PIGN: variants seen among roughly 807,000 people sequenced by gnomAD.
The protein encoded by PIGN is GPI ethanolamine phosphate transferase 1.
PIGN carries 117 observed loss-of-function variants against 125.4 expected under a neutral mutation model. The observed-to-expected ratio is 0.93, with a 90% CI of 0.80 to 1.09. The LOEUF (loss-of-function observed/expected upper bound fraction) is 1.09. Among genes scored for constraint, PIGN ranks in the 50% least tolerant of loss-of-function variants. The pLI is 0.00. For missense variants in PIGN, 1,075 were observed against 1,094.9 expected, an observed-to-expected ratio of 0.98 and a Z score of 0.26; for synonymous variants, 392 against 377.8, an observed-to-expected ratio of 1.04 and a Z score of -0.44.
At chr18:62,166,638 A>G (rs1208896732) in intron 1 of PIGN, among the ~76,000 whole-genome samples, 2 of 152,234 alleles carry the variant, frequency 1.3e-5, no homozygotes, top group East Asian at 3.8e-4. Flanking sequence ...ACAACAGCAA[A>G]GACTTGAACC....
chr18:62,044,708 G>A lies in PIGN; in HGVS notation c.*1148C>T, dbSNP rs554942707. ...GTTTCCTAGTCATTAACATGAATTA[G>A]TAATGCTATAACTTAATTCAAAAGC... On this transcript the variant is annotated 3_prime_UTR_variant, in exon 31 of 31. Transcript: ENST00000640252. 2 of 152,222 alleles carry A rather than the reference G, an allele frequency of 1.3e-5. No homozygotes were observed. The highest frequency in any genetic ancestry group is 3.9e-4 in the East Asian group (2 of 5,182). 9.4% of individuals were successfully genotyped at this position (152,222 alleles called of 1,614,324 possible).
At chr18:62,176,904 C>CTTT (rs1427373525) in intron 1 of PIGN, among the ~76,000 whole-genome samples, 1 of 151,818 alleles carries the variant, frequency 6.6e-6, no homozygotes, top group African/African-American at 2.4e-5. Context: ...AAAGGGTGTA[C>CTTT]TGGAACTCTG....
At chr18:62,051,896 G>A (rs1378948857) in intron 30 of PIGN, 1 of 151,988 alleles carries the variant, frequency 6.6e-6, no homozygotes, top group Non-Finnish European at 1.5e-5. Flanking sequence ...ATTCTGGTAT[G>A]TTGTGTCTTT....
intron 7 of PIGN, among the ~76,000 whole-genome samples, chr18:62,149,734 G>C (rs1183295000): frequency 6.6e-6 from 1 of 152,000 alleles, no homozygotes; most frequent in East Asian, 1.9e-4. Flanking sequence ...GATTATCTTG[G>C]GTCATGACAT....
chr18:62,020,796 A>T (rs1195962870), intron 23 of PIGN, among the ~76,000 whole-genome samples: 9 of 65,364 alleles, frequency 1.4e-4, no homozygotes, highest in South Asian at 7.3e-4. Flanking sequence ...TAAAAATATT[A>T]AAAAAAAAAA....
chr18:62,110,298 T>G (rs896935757), intron 16 of PIGN: 1 of 241,078 alleles, frequency 4.1e-6, no homozygotes, highest in Admixed American at 5.2e-5. Context: ...TAAATGTTGA[T>G]TGAGTTCTCT....
chr18:62,052,592 G>T (rs1322187519), intron 30 of PIGN: 1 of 142,136 alleles, frequency 7.0e-6, no homozygotes, highest in African/African-American at 2.7e-5. Context: ...GAGCCTATGT[G>T]TGTCTCTGCA....
intron 23 of PIGN, among the ~76,000 whole-genome samples, chr18:62,018,371 T>C (rs1215149025): frequency 6.6e-6 from 1 of 152,222 alleles, no homozygotes; most frequent in Non-Finnish European, 1.5e-5. Context: ...TTCCGTTTGA[T>C]CCGTACACAT....
At chr18:62,071,578 C>T (rs2032848864) in intron 30 of PIGN, among the ~76,000 whole-genome samples, 1 of 151,970 alleles carries the variant, frequency 6.6e-6, no homozygotes, top group African/African-American at 2.4e-5. Flanking sequence ...TCATGCACCA[C>T]ATAATGATGT....
In PIGN at chr18:62,092,867, C is replaced by T. The variant is rs151330536; in HGVS notation, c.2181-2289G>A. The stretch of plus-strand genomic sequence containing the variant: ...AAGTTCAGTTCAACATCATTGATGG[C>T]ACTAACTCAGCTTTCCTATTCAAGC... On this transcript the variant is annotated intron_variant, in intron 23 of 30. Transcript: ENST00000640252. Among the ~76,000 whole-genome samples the T allele has an allele frequency of 4.2e-3, 645 of 152,212 alleles. 3 individuals carry two copies. Among genetic ancestry groups the T allele is most frequent in the African/African-American group, 0.015 (619 of 41,578 alleles).
At chr18:62,090,604 G>GA (rs149791238) in intron 23 of PIGN, 26 bp from the exon 24 acceptor site, 1 of 1,384,172 alleles carries the variant, frequency 7.2e-7, no homozygotes, top group Non-Finnish European at 1.0e-6. Flanking sequence ...AGGTAGAAAT[G>GA]AAAAGAAAAA....
chr18:62,172,539 ACTTAT>A (rs1427553412), intron 1 of PIGN, among the ~76,000 whole-genome samples: 1 of 152,174 alleles, frequency 6.6e-6, no homozygotes, highest in Non-Finnish European at 1.5e-5. Context: ...AATGTACTTA[ACTTAT>A]AAGTACATTA....
At chr18:62,031,326 G>T (rs1338947095) in intron 23 of PIGN, among the ~76,000 whole-genome samples, 1 of 152,126 alleles carries the variant, frequency 6.6e-6, no homozygotes, top group Non-Finnish European at 1.5e-5. Flanking sequence ...ACCCAGTCTT[G>T]GGTATGTCTT....
At chr18:62,183,944 T>G (rs2037807992) in intron 1 of PIGN, among the ~76,000 whole-genome samples, 1 of 151,920 alleles carries the variant, frequency 6.6e-6, no homozygotes, top group African/African-American at 2.4e-5. Context: ...ACTACTTATT[T>G]TAATTAGTTT....
chr18:62,158,531 G>A (rs1019808270), intron 4 of PIGN, among the ~76,000 whole-genome samples: 1 of 152,204 alleles, frequency 6.6e-6, no homozygotes, highest in African/African-American at 2.4e-5. Flanking sequence ...CATTATTTAA[G>A]TTGTATCCAC....
rs547848725 is a variant in PIGN at position 62,067,681 on chromosome 18, T to C, written c.2672+4992A>G. Among the ~76,000 whole-genome samples, 17 of 152,344 alleles carry C rather than the reference T, an allele frequency of 1.1e-4. No homozygotes were observed. The South Asian group carries it at 3.5e-3, about 32-fold the overall frequency. ...CATTTCTTTTTATAGGTAAGTAATA[T>C]CCCATTGTATGGCAATAGCACAATT... On this transcript the variant is annotated intron_variant, in intron 30 of 30. Coordinates refer to ENST00000640252, the MANE Select transcript of PIGN (RefSeq NM_176787.5).
rs867314009 is a variant in PIGN at position 62,173,577 on chromosome 18, G to T, written c.-235-9921C>A. 2.3e-4 allele frequency among the ~76,000 whole-genome samples: 35 copies of T among 152,168 alleles called. 1 individual carries two copies. The South Asian group carries it at 5.0e-3, about 22-fold the overall frequency. ...GCACTTGGAGATCATGTCCTTAGCG[G>T]ATTCTGGCATTAGGTACATTACTAA... On this transcript the variant is annotated intron_variant, in intron 1 of 30. Transcript: ENST00000640252.
intron 14 of PIGN, among the ~76,000 whole-genome samples, chr18:62,129,365 G>C (rs1218349217): frequency 6.6e-6 from 1 of 152,206 alleles, no homozygotes; most frequent in African/African-American, 2.4e-5. Context: ...TTAGTGTCAA[G>C]TTAATGAAAG....
Position 62,045,801 on chromosome 18 carries a change from A to T in PIGN, c.*55T>A. On this transcript the variant is annotated 3_prime_UTR_variant, in exon 31 of 31. Coordinates refer to ENST00000640252, the MANE Select transcript of PIGN (RefSeq NM_176787.5). ...ATCTTCTTATTGAAGCCTTGATGAG[A>T]TTTTAGCTTAAAAGGAGAATCAGGA... 1.9e-6 allele frequency: 3 copies of T among 1,588,938 alleles called. No individual in the cohort carries two copies. The South Asian group carries it at 3.4e-5, about 18-fold the overall frequency.
Sources: allele counts gnomAD v4.1 joint callset (sites outside exome capture counted in the v4.1 genomes callset), GRCh38; gene constraint gnomAD v4.1.1; transcripts MANE v1.5; gene names NCBI Gene and HGNC (gene_info 2026-07-23, HGNC 2026-07-21).